The following SCLY variants were observed in gnomAD, a reference collection of about 807,000 sequenced individuals.
SCLY encodes the protein putative selenocysteine lyase.
Under a neutral mutation model 50.1 loss-of-function variants are expected in SCLY, and 38 were observed. That is an observed-to-expected ratio of 0.76 (90% CI 0.59 to 0.99). The LOEUF (loss-of-function observed/expected upper bound fraction) is 0.99, where lower values mean the gene tolerates loss of function less well. Among genes scored for constraint, SCLY ranks in the 50% least tolerant of loss-of-function variants. SCLY has a pLI of 0.00. For missense variants in SCLY, 600 were observed against 620.0 expected (o/e 0.97, Z 0.34); for synonymous variants, 243 against 249.4 (o/e 0.97, Z 0.24).
intron 4 of SCLY, 30 bp from the exon 5 acceptor site, chr2:238,081,679 C>T: frequency 1.2e-6 from 2 of 1,604,592 alleles, no homozygotes; most frequent in Non-Finnish European, 1.7e-6. Flanking sequence ...ATTTGTGCAG[C>T]TCAGTTCGGT....
At chr2:238,061,866 G>C (rs2065022107) in intron 1 of SCLY, among the ~76,000 whole-genome samples, 1 of 152,156 alleles carries the variant, frequency 6.6e-6, no homozygotes, top group Non-Finnish European at 1.5e-5. Context: ...GGAGGCAGGG[G>C]TATGCATTTT....
At position 238,061,033 on chromosome 2, in the gene SCLY, G is replaced by T. The variant is rs755650256; in HGVS notation, c.-22G>T. 3.3e-5 allele frequency: 45 copies of T among 1,364,600 alleles called. No individual in the cohort carries two copies. Among genetic ancestry groups the T allele is most frequent in the Non-Finnish European group, 3.9e-5 (42 of 1,065,998 alleles). The allele number at this position is 1,364,600 out of a possible 1,614,324, so 84.5% of individuals were successfully genotyped here. Reference sequence around the variant, plus strand: ...GCGCTCCGCGGGAAGGAGGCTGGATGCCCGGCAGCAGTGGGGCGGGGATGG... The same window carrying T: ...GCGCTCCGCGGGAAGGAGGCTGGATTCCCGGCAGCAGTGGGGCGGGGATGG... On this transcript the variant is annotated 5_prime_UTR_variant, in exon 1 of 12. An upstream start codon of the reference 5' UTR is lost. Transcript: ENST00000254663.
At position 238,081,626 on chromosome 2, in the gene SCLY, A is replaced by G. The variant is rs577503711; in HGVS notation, c.485-83A>G. On this transcript the variant is annotated intron_variant, in intron 4 of 11. Transcript: ENST00000254663. ...CAACAATTTACTTTTATAGTTGTAG[A>G]AAACTGTTAAGCTCTGTTGGAACGC... The G allele has an allele frequency of 3.3e-5, 50 of 1,531,010 alleles. No homozygotes were observed. In the East Asian group the frequency reaches 7.5e-4, roughly 23 times the overall value. 94.8% of individuals were successfully genotyped at this position (1,531,010 alleles called of 1,614,324 possible). A position where few individuals can be genotyped will look rare whatever the true frequency, so the allele number is the denominator to read the frequency against.
intron 4 of SCLY, among the ~76,000 whole-genome samples, chr2:238,075,008 T>G (rs2065159717): frequency 6.6e-6 from 1 of 152,218 alleles, no homozygotes; most frequent in Non-Finnish European, 1.5e-5. Flanking sequence ...AGGGAAGGCA[T>G]TCATTCTTTC....
At position 238,098,444 on chromosome 2, in the gene SCLY, A is replaced by G. The variant is rs938949655; in HGVS notation, c.*89A>G. 2 of 1,373,492 alleles carry G rather than the reference A, an allele frequency of 1.5e-6. No homozygotes were observed. Among genetic ancestry groups the G allele is most frequent in the Non-Finnish European group, 9.7e-7 (1 of 1,029,642 alleles). 85.1% of individuals were successfully genotyped at this position (1,373,492 alleles called of 1,614,324 possible). A position where few individuals can be genotyped will look rare whatever the true frequency, so the allele number is the denominator to read the frequency against. On this transcript the variant is annotated 3_prime_UTR_variant, in exon 12 of 12. Coordinates refer to ENST00000254663, the MANE Select transcript of SCLY (RefSeq NM_016510.7). ...CCAGTTCCCTCCTGAGGGCTGTGCC[A>G]GGATGACTGTCTCATGCCCCCTCTG...
chr2:238,071,839 T>A (rs1393148928), intron 4 of SCLY, among the ~76,000 whole-genome samples: 1 of 152,216 alleles, frequency 6.6e-6, no homozygotes, highest in South Asian at 2.1e-4. Context: ...GCACTCCCTC[T>A]GTCTCCACAC....
intron 7 of SCLY, 118 bp from the exon 8 acceptor site, chr2:238,091,100 C>T (rs575452009): frequency 1.3e-5 from 12 of 943,836 alleles, no homozygotes; most frequent in East Asian, 7.3e-5. Flanking sequence ...CCACATGGCG[C>T]GTGCTTAGGA....
chr2:238,094,296 G>A (rs1236076249), intron 9 of SCLY, 124 bp from the exon 10 acceptor site: 3 of 809,576 alleles, frequency 3.7e-6, no homozygotes, highest in African/African-American at 1.7e-5. Context: ...ACTATTCTGG[G>A]TAGATGCTGA....
chr2:238,099,350 T>G lies in SCLY; in HGVS notation c.*995T>G, dbSNP rs15787. 1 of 466,812 alleles carries G rather than the reference T, an allele frequency of 2.1e-6. No individual in the cohort carries two copies. The highest frequency in any genetic ancestry group is 2.0e-5 in the African/African-American group (1 of 49,824). The allele number at this position is 466,812 out of a possible 1,614,324, so 28.9% of individuals were successfully genotyped here. ...GTGGTTTTACGGTTCAAGGAACTAC[T>G]TGATGATTTTGAGGAAACACTTGCC... is the stretch of plus-strand genomic sequence containing the variant. On this transcript the variant is annotated 3_prime_UTR_variant, in exon 12 of 12. Coordinates refer to ENST00000254663, the MANE Select transcript of SCLY (RefSeq NM_016510.7).
rs1559254555 is a variant in SCLY at position 238,098,607 on chromosome 2, G to GACCGCCCACATGGGACCGCCCACATAGA, written c.*277_*278insAGAACCGCCCACATGGGACCGCCCACAT. On this transcript the variant is annotated 3_prime_UTR_variant, in exon 12 of 12. Coordinates refer to ENST00000254663, the MANE Select transcript of SCLY (RefSeq NM_016510.7). ...CGCCCACATAGGACCGCCCACATAG[G>GACCGCCCACATGGGACCGCCCACATAGA]ACCGCCCACATGGGACCGCCCACAT... 4.8e-5 allele frequency: 18 copies of GACCGCCCACATGGGACCGCCCACATAGA among 372,368 alleles called. 2 individuals are homozygous for GACCGCCCACATGGGACCGCCCACATAGA. The highest frequency in any genetic ancestry group is 7.8e-5 in the Non-Finnish European group (17 of 217,950). The allele number at this position is 372,368 out of a possible 1,614,324, so 23.1% of individuals were successfully genotyped here. A position where few individuals can be genotyped will look rare whatever the true frequency, so the allele number is the denominator to read the frequency against.
rs1691345897 is a variant in SCLY at position 238,098,647 on chromosome 2, G to GGGAACGCCCACATAGAACCGTCCACATA, written c.*295_*296insACGCCCACATAGAACCGTCCACATAGGA. On this transcript the variant is annotated 3_prime_UTR_variant, in exon 12 of 12. Transcript: ENST00000254663. ...ACCGCCCACATGGGACCGCCCACATGGGACCGCCCACATAGAACCGTCCTC... is the reference window on the plus strand; with the variant it reads ...ACCGCCCACATGGGACCGCCCACATGGGAACGCCCACATAGAACCGTCCACATAGGACCGCCCACATAGAACCGTCCTC... 3 of 200,342 alleles carry GGGAACGCCCACATAGAACCGTCCACATA rather than the reference G, an allele frequency of 1.5e-5. No homozygotes were observed. Among genetic ancestry groups the GGGAACGCCCACATAGAACCGTCCACATA allele is most frequent in the Non-Finnish European group, 2.7e-5 (3 of 109,302 alleles). The allele number at this position is 200,342 out of a possible 1,614,324, so 12.4% of individuals were successfully genotyped here. A position where few individuals can be genotyped will look rare whatever the true frequency, so the allele number is the denominator to read the frequency against.
intron 11 of SCLY, among the ~76,000 whole-genome samples, chr2:238,097,446 T>C (rs1192054400): frequency 6.6e-6 from 1 of 152,048 alleles, no homozygotes; most frequent in African/African-American, 2.4e-5. Flanking sequence ...GTGAGGCCCC[T>C]GTGGGAGGTC....
At chr2:238,093,765 C>T (rs1325345930) in intron 8 of SCLY, 96 bp from the exon 9 acceptor site, 12 of 1,097,434 alleles carry the variant, frequency 1.1e-5, no homozygotes, top group Middle Eastern at 3.9e-4. Flanking sequence ...GGAGAATGAG[C>T]AGTTTCAGGA....
At chr2:238,091,542 A>ATAC in intron 8 of SCLY, 6 of 361,630 alleles carry the variant, frequency 1.7e-5, no homozygotes, top group South Asian at 7.1e-5. Context: ...GTCAAGCTGC[A>ATAC]GGTTCACCAT....
In SCLY at chr2:238,083,119, C is replaced by T. The variant is rs940132756; in HGVS notation, c.778-129C>T. The T allele has an allele frequency of 2.0e-5, 15 of 766,846 alleles. No individual in the cohort carries two copies. Among genetic ancestry groups the T allele is most frequent in the East Asian group, 2.6e-5 (1 of 38,614 alleles). The allele number at this position is 766,846 out of a possible 1,614,324, so 47.5% of individuals were successfully genotyped here. On this transcript the variant is annotated intron_variant, in intron 6 of 11. Coordinates refer to ENST00000254663, the MANE Select transcript of SCLY (RefSeq NM_016510.7). This position sits in a 1 kb window ranked among gnomAD's most constrained non-coding sequence, Gnocchi z 4.3. ...TGTCAAAAGGGGTGGCACTCAGAGG[C>T]GCCACAAGGAAGCAGCAGGACTATG...
chr2:238,095,729 G>A (rs1192381164), intron 10 of SCLY: 1 of 152,094 alleles, frequency 6.6e-6, no homozygotes. Flanking sequence ...ATGAGACAGA[G>A]GTTCTCATTT....
Position 238,098,593 on chromosome 2 carries a change from G to GACCGCCCACATAGA in SCLY, c.*251_*252insAACCGCCCACATAG, listed in dbSNP as rs1691312689. 79 of 325,574 alleles carry GACCGCCCACATAGA rather than the reference G, an allele frequency of 2.4e-4. 2 individuals are homozygous for GACCGCCCACATAGA. Among genetic ancestry groups the GACCGCCCACATAGA allele is most frequent in the African/African-American group, 1.5e-3 (38 of 25,142 alleles). 20.2% of individuals were successfully genotyped at this position (325,574 alleles called of 1,614,324 possible). The stretch of plus-strand genomic sequence containing the variant: ...TGCCCACATGGGACCGCCCACATAG[G>GACCGCCCACATAGA]ACCGCCCACATAGGACCGCCCACAT... On this transcript the variant is annotated 3_prime_UTR_variant, in exon 12 of 12. Transcript: ENST00000254663.
In SCLY at chr2:238,098,647, G is replaced by GGGACCGCCCACATAGAACCGCCCACATA. The variant is rs1691346197; in HGVS notation, c.*312_*313insCCCACATAGGACCGCCCACATAGAACCG. The GGGACCGCCCACATAGAACCGCCCACATA allele has an allele frequency of 1.5e-5, 3 of 200,338 alleles. No homozygotes were observed. Among genetic ancestry groups the GGGACCGCCCACATAGAACCGCCCACATA allele is most frequent in the Non-Finnish European group, 1.8e-5 (2 of 109,296 alleles). The allele number at this position is 200,338 out of a possible 1,614,324, so 12.4% of individuals were successfully genotyped here. A position where few individuals can be genotyped will look rare whatever the true frequency, so the allele number is the denominator to read the frequency against. On this transcript the variant is annotated 3_prime_UTR_variant, in exon 12 of 12. Coordinates refer to ENST00000254663, the MANE Select transcript of SCLY (RefSeq NM_016510.7). ...ACCGCCCACATGGGACCGCCCACAT[G>GGGACCGCCCACATAGAACCGCCCACATA]GGACCGCCCACATAGAACCGTCCTC...
chr2:238,096,209 T>A (rs141303522), intron 10 of SCLY: 281 of 158,076 alleles, frequency 1.8e-3, no homozygotes, highest in African/African-American at 6.3e-3. Flanking sequence ...TGCCCGGCCT[T>A]GGCTAATTTT....
Sources: allele counts gnomAD v4.1 joint callset (sites outside exome capture counted in the v4.1 genomes callset), GRCh38; gene constraint gnomAD v4.1.1; non-coding constraint Gnocchi (gnomAD v3.1); transcripts MANE v1.5; gene names NCBI Gene and HGNC (gene_info 2026-07-23, HGNC 2026-07-21).